HMCN2: variants seen among roughly 807,000 people sequenced by gnomAD.
HMCN2 encodes the protein hemicentin 2.
A neutral mutation model predicts 377.5 loss-of-function variants in HMCN2; 325 were observed. The ratio of observed to expected loss-of-function variants is 0.86; its 90% CI spans 0.79 to 0.94. The LOEUF (loss-of-function observed/expected upper bound fraction) is 0.94. Among genes scored for constraint, HMCN2 ranks in the 40% least tolerant of loss-of-function variants. The pLI is 0.00. For missense variants in HMCN2, 4,543 were observed against 4,725.3 expected (o/e 0.96, Z 1.13); for synonymous variants, 2,007 against 2,046.8 (o/e 0.98, Z 0.53).
At chr9:130,348,928 C>CTGGG in intron 27 of HMCN2, 56 bp from the exon 28 acceptor site, 1 of 1,279,352 alleles carries the variant, frequency 7.8e-7, no homozygotes, top group Admixed American at 2.3e-5. Context: ...ATTACTGATG[C>CTGGG]TGGGGGTGGT....
chr9:130,296,003 A>G (rs1554931948), intron 6 of HMCN2, among the ~76,000 whole-genome samples: 1 of 152,206 alleles, frequency 6.6e-6, no homozygotes, highest in African/African-American at 2.4e-5. Context: ...AACATTTAAG[A>G]AGGACTTGGA....
intron 7 of HMCN2, among the ~76,000 whole-genome samples, 183 bp from the exon 8 acceptor site, chr9:130,298,842 G>C (rs1031383618): frequency 3.3e-5 from 5 of 152,160 alleles, no homozygotes; most frequent in Non-Finnish European, 7.4e-5. Flanking sequence ...CAGTAGCAAG[G>C]TCCCTATCTA....
intron 22 of HMCN2, among the ~76,000 whole-genome samples, chr9:130,336,123 G>C (rs1838736046): frequency 6.6e-6 from 1 of 151,860 alleles, no homozygotes; most frequent in African/African-American, 2.4e-5. Context: ...GAGAAAGGAA[G>C]GAAAGAAGGA....
rs1844228542 is a variant in HMCN2 at position 130,424,792 on chromosome 9, G to A, written c.13398G>A (p.Val4466=). ...CCCACCCAGGGCCTCTGATGCGGGT[G>A]CTCGTGGTCACCATCGCCCCCATCT... is the stretch of plus-strand genomic sequence containing the variant. ...VPANVGPLMR[V]LVVTIAPIYW... is the part of the protein sequence containing the mutation. The change falls in exon 88 of 98, where the codon GTG becomes GTA. Residue 4466 remains valine (V), a synonymous_variant. Transcript: ENST00000683500. The A allele has an allele frequency of 6.5e-7, 1 of 1,540,176 alleles. No homozygotes were observed. The highest frequency in any genetic ancestry group is 1.2e-5 in the South Asian group (1 of 82,932).
rs557164032 is a variant in HMCN2 at position 130,281,700 on chromosome 9, C to T, written c.260-2903C>T. Among the ~76,000 whole-genome samples, 6 of 152,166 alleles carry T rather than the reference C, an allele frequency of 3.9e-5. No individual in the cohort carries two copies. In the South Asian group the frequency reaches 1.2e-3, roughly 32 times the overall value. On this transcript the variant is annotated intron_variant, in intron 1 of 97. Transcript: ENST00000683500. ...CCTGAGGTCAGGAGTTTGAGACCGG[C>T]CTGGCCAACATGGCAAAACCCCGTC...
chr9:130,350,858 G>A (rs1356527156), intron 29 of HMCN2, among the ~76,000 whole-genome samples: 2 of 150,932 alleles, frequency 1.3e-5, no homozygotes, highest in Non-Finnish European at 3.0e-5. Context: ...GTGAGCCATC[G>A]TACTACTGCA....
chr9:130,373,883 G>C (rs1588337746), intron 48 of HMCN2, among the ~76,000 whole-genome samples: 2 of 87,688 alleles, frequency 2.3e-5, no homozygotes, highest in Non-Finnish European at 6.6e-5. Flanking sequence ...TGGGTGCATG[G>C]ATGGATGGAT....
Position 130,286,243 on chromosome 9 carries a change from C to G in HMCN2, c.545C>G (p.Ala182Gly). ...CGDRTHPGYL[A>G]YEEIAATSSG... ...GACCGCACCCATCCTGGCTACCTGG[C>G]TTATGAGGAGATCGCTGCCACCAGC... The change falls in exon 4 of 98, where the codon GCT becomes GGT. Residue 182 changes from alanine to glycine, a missense_variant. By Grantham distance (60) the Ala-to-Gly change is moderately conservative (BLOSUM62 0). Around this residue, in one of 5 missense-constraint regions of HMCN2, gnomAD observed 547 missense variants for 189.9 expected, o/e 2.88. Transcript: ENST00000683500. 2.1e-6 allele frequency: 1 copy of G among 471,142 alleles called. No individual in the cohort carries two copies. Among genetic ancestry groups the G allele is most frequent in the South Asian group, 1.5e-5 (1 of 64,564 alleles). 29.2% of individuals were successfully genotyped at this position (471,142 alleles called of 1,614,324 possible).
intron 8 of HMCN2, 138 bp from the exon 9 acceptor site, chr9:130,302,719 G>T: frequency 3.3e-6 from 1 of 304,750 alleles, no homozygotes; most frequent in Non-Finnish European, 6.8e-6. Context: ...TGAAAACTGA[G>T]CTTAGAGAGG....
chr9:130,423,301 A>AT lies in HMCN2; in HGVS notation c.13381+576dup, dbSNP rs1333691571. ...GTCACTGTCTCTCCCTTCCCAAGGA[A>AT]TCCCTGGCCCCTCGTGGGGGTCCAG... On this transcript the variant is annotated intron_variant, in intron 87 of 97. Coordinates refer to ENST00000683500, the MANE Select transcript of HMCN2 (RefSeq NM_001291815.2). This position sits in a 1 kb window ranked among gnomAD's most constrained non-coding sequence, Gnocchi z 5.5. 6.6e-6 allele frequency among the ~76,000 whole-genome samples: 1 copy of AT among 152,118 alleles called. No individual in the cohort carries two copies. The highest frequency in any genetic ancestry group is 2.4e-5 in the African/African-American group (1 of 41,438).
chr9:130,362,955 G>T lies in HMCN2; in HGVS notation c.6197G>T (p.Gly2066Val). ...RYSCVAVSAVGEDRQDVVLQV... is the reference protein window; with the variant it reads ...RYSCVAVSAVVEDRQDVVLQV... ...TCCTGCGTGGCTGTGAGCGCGGTGG[G>T]CGAGGACCGCCAGGATGTTGTCCTG... Residue 2066 changes from glycine to valine, a missense_variant, in exon 40 of 98, where the codon GGC (glycine) becomes GTC (valine). Transcript: ENST00000683500. The T allele has an allele frequency of 1.0e-6, 1 of 985,932 alleles. No homozygotes were observed. Among genetic ancestry groups the T allele is most frequent in the Non-Finnish European group, 1.2e-6 (1 of 829,980 alleles). 61.1% of individuals were successfully genotyped at this position (985,932 alleles called of 1,614,324 possible).
chr9:130,359,364 A>C lies in HMCN2; in HGVS notation c.5723A>C (p.Glu1908Ala), dbSNP rs1389732716. Residue 1908 changes from glutamate (E) to alanine (A), a missense_variant, in exon 37 of 98, where the codon GAA becomes GCA. By Grantham distance (107) the Glu-to-Ala change is moderately radical (BLOSUM62 -1). This residue lies in a region of HMCN2 where 1,032 missense variants were observed against 1,285.1 expected (regional missense o/e 0.80). Transcript: ENST00000683500. ...EPGPVNKAVL[E>A]NASVTLECLA... ...GGCCCAGTCAACAAGGCAGTGCTGG[A>C]AAATGCCTCAGTGACCTTGGAGTGT... 3 of 1,303,694 alleles carry C rather than the reference A, an allele frequency of 2.3e-6. No homozygotes were observed. The highest frequency in any genetic ancestry group is 1.5e-5 in the African/African-American group (1 of 65,818). The allele number at this position is 1,303,694 out of a possible 1,614,324, so 80.8% of individuals were successfully genotyped here. A position where few individuals can be genotyped will look rare whatever the true frequency, so the allele number is the denominator to read the frequency against.
intron 23 of HMCN2, among the ~76,000 whole-genome samples, chr9:130,339,200 A>ACAAAG (rs1324018131): frequency 6.6e-6 from 1 of 152,130 alleles, no homozygotes; most frequent in East Asian, 1.9e-4. Context: ...ACAAAACAAA[A>ACAAAG]CAAAAATTCA....
In HMCN2 at chr9:130,291,505, C is replaced by T. The variant is rs542441403; in HGVS notation, c.613-3350C>T. On this transcript the variant is annotated intron_variant, in intron 4 of 97. Coordinates refer to ENST00000683500, the MANE Select transcript of HMCN2 (RefSeq NM_001291815.2). Reference sequence around the variant, plus strand: ...GATTATAGGCATGAGCCACAGTGCCCGGTCGCATACTTGTTATTTTTAAAT... The same window carrying T: ...GATTATAGGCATGAGCCACAGTGCCTGGTCGCATACTTGTTATTTTTAAAT... Among the ~76,000 whole-genome samples, 30 of 152,228 alleles carry T rather than the reference C, an allele frequency of 2.0e-4. No individual in the cohort carries two copies. In the South Asian group the frequency reaches 2.5e-3, roughly 13 times the overall value.
chr9:130,317,934 G>A (rs1018582216), intron 15 of HMCN2, among the ~76,000 whole-genome samples: 32 of 152,246 alleles, frequency 2.1e-4, no homozygotes, highest in African/African-American at 7.0e-4. Flanking sequence ...GCTGGGCTCT[G>A]CGGCTGGGCT....
intron 59 of HMCN2, 146 bp from the exon 60 acceptor site, chr9:130,385,414 C>T (rs1161347784): frequency 2.4e-6 from 1 of 409,538 alleles, no homozygotes; most frequent in Non-Finnish European, 4.5e-6. Flanking sequence ...GGTTCTCTTC[C>T]TCCACCTCCC....
Position 130,371,036 on chromosome 9 carries a change from T to C in HMCN2, c.7142T>C (p.Leu2381Pro), listed in dbSNP as rs528402576. The change falls in exon 46 of 98, where the codon CTG becomes CCG. Residue 2381 changes from leucine to proline, a missense_variant. Coordinates refer to ENST00000683500, the MANE Select transcript of HMCN2 (RefSeq NM_001291815.2). Reference protein sequence around the residue: ...ITAALHSPLTLLCEAMGIPPP... With the variant: ...ITAALHSPLTPLCEAMGIPPP... ...GCTGCCTTGCACAGCCCCTTAACTCTGCTCTGTGAAGCCATGGGGATCCCA... is the reference window on the plus strand; with the variant it reads ...GCTGCCTTGCACAGCCCCTTAACTCCGCTCTGTGAAGCCATGGGGATCCCA... The C allele has an allele frequency of 1.0e-6, 1 of 985,936 alleles. No homozygotes were observed. Among genetic ancestry groups the C allele is most frequent in the South Asian group, 4.7e-5 (1 of 21,290 alleles). 61.1% of individuals were successfully genotyped at this position (985,936 alleles called of 1,614,324 possible).
rs199552416 is a variant in HMCN2, at chr9:130,360,751, ACCATCCATCCATCCAT to A, written c.5950+170_5950+185del. On this transcript the variant is annotated intron_variant, in intron 38 of 97. Coordinates refer to ENST00000683500, the MANE Select transcript of HMCN2 (RefSeq NM_001291815.2). This position sits in a 1 kb window ranked among gnomAD's most constrained non-coding sequence, Gnocchi z 4.7. ...ACCCCATCCATCCATCATCCATCCA[ACCATCCATCCATCCAT>A]CCATCCATCCATCCATCCATCCCAC... 3 of 282,368 alleles carry A rather than the reference ACCATCCATCCATCCAT, an allele frequency of 1.1e-5. No homozygotes were observed. Among genetic ancestry groups the A allele is most frequent in the South Asian group, 3.1e-5 (1 of 32,602 alleles). The allele number at this position is 282,368 out of a possible 1,614,324, so 17.5% of individuals were successfully genotyped here.
intron 2 of HMCN2, among the ~76,000 whole-genome samples, 193 bp downstream of exon 2, chr9:130,284,866 T>C (rs1835334760): frequency 6.6e-6 from 1 of 152,200 alleles, no homozygotes; most frequent in African/African-American, 2.4e-5. Context: ...CTCGAAGTAC[T>C]CGTCACGGTG....
Sources: allele counts gnomAD v4.1 joint callset (sites outside exome capture counted in the v4.1 genomes callset), GRCh38; gene constraint gnomAD v4.1.1; regional missense constraint gnomAD v4.1.1; non-coding constraint Gnocchi (gnomAD v3.1); transcripts MANE v1.5; gene names NCBI Gene and HGNC (gene_info 2026-07-23, HGNC 2026-07-21).